LOC122539214: variants seen among roughly 807,000 people sequenced by gnomAD.
chr19:52,674,363 T>C, the LOC122539214 span: 1 of 152,228 alleles, frequency 6.6e-6, no homozygotes, highest in Non-Finnish European at 1.5e-5. Context: ...TCCTGTAGGA[T>C]CTCACATGAT....
At chr19:52,670,000 T>C in the LOC122539214 span, among the ~76,000 whole-genome samples, 8 of 152,228 alleles carry the variant, frequency 5.3e-5, no homozygotes, top group African/African-American at 1.7e-4. Context: ...CTAAATTTCT[T>C]TTCAAAGAAT....
the LOC122539214 span, among the ~76,000 whole-genome samples, chr19:52,689,137 T>C: frequency 6.6e-6 from 1 of 152,182 alleles, no homozygotes; most frequent in Non-Finnish European, 1.5e-5. Context: ...ACACAACCTG[T>C]CACTGTATAA....
chr19:52,668,438 T>C, the LOC122539214 span, among the ~76,000 whole-genome samples: 420 of 152,308 alleles, frequency 2.8e-3, 3 homozygotes, highest in Non-Finnish European at 4.0e-3. Flanking sequence ...TTACTATTCC[T>C]ACCACTAGCA....
chr19:52,678,276 C>T, the LOC122539214 span, among the ~76,000 whole-genome samples: 5 of 150,496 alleles, frequency 3.3e-5, no homozygotes, highest in African/African-American at 1.2e-4. Context: ...GATGGTGAAA[C>T]CCCGTCTTAC....
chr19:52,672,274 C>T, the LOC122539214 span, among the ~76,000 whole-genome samples: 3 of 152,072 alleles, frequency 2.0e-5, no homozygotes, highest in Non-Finnish European at 4.4e-5. Flanking sequence ...TATAAATCAC[C>T]TCATTTCTGC....
At chr19:52,683,623 T>A in the LOC122539214 span, among the ~76,000 whole-genome samples, 1 of 152,046 alleles carries the variant, frequency 6.6e-6, no homozygotes, top group Non-Finnish European at 1.5e-5. Flanking sequence ...TTCACACAGA[T>A]GACAAAAATG....
At chr19:52,663,323 C>T in the LOC122539214 span, among the ~76,000 whole-genome samples, 250 of 152,096 alleles carry the variant, frequency 1.6e-3, 8 homozygotes, top group East Asian at 0.047. Context: ...ATTGTGAACC[C>T]CTAGCTATAG....
At chr19:52,680,414 A>C in the LOC122539214 span, among the ~76,000 whole-genome samples, 1 of 152,108 alleles carries the variant, frequency 6.6e-6, no homozygotes, top group Non-Finnish European at 1.5e-5. Context: ...CCCTGAAAGT[A>C]AAATGTCCCT....
chr19:52,659,403 G>A, the LOC122539214 span, among the ~76,000 whole-genome samples: 1 of 152,176 alleles, frequency 6.6e-6, no homozygotes, highest in South Asian at 2.1e-4. Context: ...CGGGACAATA[G>A]TTGTCAGCTC....
At chr19:52,688,411 C>T in the LOC122539214 span, among the ~76,000 whole-genome samples, 7 of 151,680 alleles carry the variant, frequency 4.6e-5, no homozygotes, top group African/African-American at 1.7e-4. Flanking sequence ...TGGACTCAAG[C>T]AATCCCCCTG....
the LOC122539214 span, among the ~76,000 whole-genome samples, chr19:52,669,482 G>A: frequency 1.3e-5 from 2 of 152,210 alleles, no homozygotes; most frequent in Non-Finnish European, 2.9e-5. Flanking sequence ...CTACCAGCCA[G>A]ATGTCTTGGG....
chr19:52,655,675 A>C, the LOC122539214 span: 4 of 1,174,398 alleles, frequency 3.4e-6, no homozygotes, highest in Non-Finnish European at 5.1e-6. Flanking sequence ...ACATCCCTGA[A>C]AGTCAAGCAT....
At chr19:52,673,656 T>C in the LOC122539214 span, among the ~76,000 whole-genome samples, 2 of 152,186 alleles carry the variant, frequency 1.3e-5, no homozygotes, top group African/African-American at 4.8e-5. Flanking sequence ...TTTTGTTTTT[T>C]GTTTTTTCTG....
At chr19:52,674,859 T>C in the LOC122539214 span, among the ~76,000 whole-genome samples, 1 of 152,154 alleles carries the variant, frequency 6.6e-6, no homozygotes, top group Non-Finnish European at 1.5e-5. Flanking sequence ...ACAACGCCCA[T>C]ACAAATCCCT....
the LOC122539214 span, chr19:52,650,865 A>AGTC: frequency 6.6e-6 from 1 of 152,214 alleles, no homozygotes. Context: ...CAGCAGAAGA[A>AGTC]AGCTACATCA....
the LOC122539214 span, among the ~76,000 whole-genome samples, chr19:52,672,229 G>C: frequency 1.1e-4 from 17 of 151,918 alleles, no homozygotes; most frequent in Non-Finnish European, 2.4e-4. Flanking sequence ...GTGAGATTCT[G>C]TCTCAAAAAA....
chr19:52,678,616 A>G, the LOC122539214 span, among the ~76,000 whole-genome samples: 1 of 152,106 alleles, frequency 6.6e-6, no homozygotes, highest in African/African-American at 2.4e-5. Flanking sequence ...TGAAGGTGAC[A>G]GACTAGCAAA....
the LOC122539214 span, among the ~76,000 whole-genome samples, chr19:52,662,097 T>A: frequency 2.0e-5 from 3 of 152,326 alleles, no homozygotes; most frequent in Admixed American, 1.3e-4. Flanking sequence ...AATATTTTTC[T>A]CCCACACTTC....
the LOC122539214 span, chr19:52,654,001 C>A: frequency 1.3e-6 from 2 of 1,515,374 alleles, no homozygotes; most frequent in Non-Finnish European, 9.1e-7. Context: ...TTTGAGCCTA[C>A]AAGAAATTCT....
Sources: gnomAD v4.1 joint callset for allele counts (sites outside exome capture counted in the v4.1 genomes callset) on GRCh38, gnomAD v4.1.1 for gene constraint, MANE v1.5 for transcripts.